The following HOMER2 variants were observed in gnomAD, a reference collection of about 807,000 sequenced individuals.
HOMER2 encodes the protein homer scaffold protein 2, also known as homer protein homolog 2.
HOMER2 carries 27 observed loss-of-function variants against 47.0 expected under a neutral mutation model. The observed-to-expected ratio is 0.57, with a 90% CI of 0.42 to 0.79. The LOEUF (loss-of-function observed/expected upper bound fraction) is 0.79, where lower values mean the gene tolerates loss of function less well. HOMER2 is among the 30% of genes least tolerant of loss of function. The pLI is 0.00. For missense variants in HOMER2, 443 were observed against 435.0 expected, an observed-to-expected ratio of 1.02 and a Z score of -0.16; for synonymous variants, 161 against 163.8, an observed-to-expected ratio of 0.98 and a Z score of 0.13.
At chr15:82,898,511 C>A (rs1389153571) in intron 1 of HOMER2, 1 of 152,204 alleles carries the variant, frequency 6.6e-6, no homozygotes, top group Non-Finnish European at 1.5e-5. Context: ...GATGGCAGAA[C>A]GCTTCTTTAG....
intron 1 of HOMER2, among the ~76,000 whole-genome samples, chr15:82,901,444 T>C (rs1261005393): frequency 6.6e-6 from 1 of 151,994 alleles, no homozygotes; most frequent in Non-Finnish European, 1.5e-5. Context: ...AGCAATGCCA[T>C]CCTATGTTCA....
chr15:82,976,957 T>C (rs2030228371), intron 1 of HOMER2, among the ~76,000 whole-genome samples: 1 of 152,102 alleles, frequency 6.6e-6, no homozygotes, highest in African/African-American at 2.4e-5. Context: ...ATTACAGGCG[T>C]GAGCTACCGT....
chr15:82,860,955 A>AGGAGAGAGAGAGAGAGAGAGAGAGAGAG (rs1555420258), intron 4 of HOMER2, among the ~76,000 whole-genome samples: 1 of 71,136 alleles, frequency 1.4e-5, no homozygotes, highest in African/African-American at 6.2e-5. Context: ...AAGATAGAAG[A>AGGAGAGAGAGAGAGAGAGAGAGAGAGAG]TGAGAGAGAG....
rs375887599 is a variant in HOMER2, at chr15:82,854,819, C to A, written c.495-19G>T. 3.1e-6 allele frequency: 5 copies of A among 1,599,792 alleles called. No homozygotes were observed. The highest frequency in any genetic ancestry group is 1.3e-5 in the African/African-American group (1 of 74,828). ...GGCTGCGCTGCAGGACAGGGACGGGCGGTGACGACGGGGTGGGTGCTGTCC... is the reference window on the plus strand; with the variant it reads ...GGCTGCGCTGCAGGACAGGGACGGGAGGTGACGACGGGGTGGGTGCTGTCC... On this transcript the variant is annotated intron_variant, in intron 5 of 8. Transcript: ENST00000450735.
Position 82,852,191 on chromosome 15 carries a change from A to G in HOMER2, c.713T>C (p.Leu238Pro), listed in dbSNP as rs1291428391. Residue 238 changes from leucine to proline, a missense_variant, in exon 7 of 9, where the codon CTG becomes CCG. Transcript: ENST00000450735. ...INREKEKNTQLKRRIEELEAE... is the reference protein window; with the variant it reads ...INREKEKNTQPKRRIEELEAE... ...CTCCAGCTCCTCGATCCTCCTCTTC[A>G]GCTGCGTGTTCTTCTCCTTCTCTCT... The G allele has an allele frequency of 5.0e-6, 8 of 1,613,830 alleles. No homozygotes were observed. The Admixed American group carries it at 1.3e-4, about 27-fold the overall frequency.
chr15:82,951,917 C>G (rs1210338616), intron 1 of HOMER2: 2 of 335,744 alleles, frequency 6.0e-6, no homozygotes, highest in Non-Finnish European at 8.5e-6. Context: ...GCTTAAATTA[C>G]TTTATATACT....
upstream of HOMER2, chr15:82,985,992 A>T: frequency 1.2e-6 from 1 of 838,174 alleles, no homozygotes; most frequent in Non-Finnish European, 1.4e-6. Context: ...AGCTTAATAG[A>T]CGGCGACGTT....
rs544822186 is a variant in HOMER2 at position 82,972,183 on chromosome 15, C to A, written n.83-12875G>T. ...TTAGCCCAAAAAGATCCTTAATGCTCATTTGTAGTCAATCCCTATCCTACC... is the reference window on the plus strand; with the variant it reads ...TTAGCCCAAAAAGATCCTTAATGCTAATTTGTAGTCAATCCCTATCCTACC... On this transcript the variant is annotated intron_variant and non_coding_transcript_variant, in intron 1 of 1. Transcript: ENST00000500334. Among the ~76,000 whole-genome samples the A allele has an allele frequency of 2.0e-5, 3 of 152,276 alleles. No homozygotes were observed. In the South Asian group the frequency reaches 6.2e-4, roughly 32 times the overall value.
At chr15:82,954,078 A>AAAAAT (rs1555432145), upstream of HOMER2, among the ~76,000 whole-genome samples, 2 of 152,048 alleles carry the variant, frequency 1.3e-5, no homozygotes, top group African/African-American at 4.8e-5. Context: ...CTGTCTCAAA[A>AAAAAT]AAATAAATAA....
At chr15:82,949,825 C>T (rs938005750) in intron 1 of HOMER2, among the ~76,000 whole-genome samples, 3 of 152,178 alleles carry the variant, frequency 2.0e-5, no homozygotes, top group African/African-American at 7.2e-5. Flanking sequence ...TTTCAAGTGT[C>T]CAATAACCAC....
intron 3 of HOMER2, among the ~76,000 whole-genome samples, chr15:82,870,482 G>A (rs544185225): frequency 1.6e-3 from 238 of 152,220 alleles, no homozygotes; most frequent in Non-Finnish European, 2.3e-3. Flanking sequence ...AGAAACAAAT[G>A]AAATCCATGC....
intron 1 of HOMER2, among the ~76,000 whole-genome samples, chr15:82,937,004 C>G (rs1179852918): frequency 1.3e-5 from 2 of 152,158 alleles, no homozygotes; most frequent in African/African-American, 2.4e-5. Context: ...AGGGTACACA[C>G]AAGACTATTA....
At chr15:82,986,000 G>T, upstream of HOMER2, 1 of 919,570 alleles carries the variant, frequency 1.1e-6, no homozygotes, top group Non-Finnish European at 1.3e-6. Flanking sequence ...AGACGGCGAC[G>T]TTTTCGACTG....
intron 1 of HOMER2, among the ~76,000 whole-genome samples, chr15:82,905,865 TA>T (rs1381584387): frequency 1.3e-5 from 2 of 152,052 alleles, no homozygotes; most frequent in Non-Finnish European, 2.9e-5. Context: ...TGAATCTACA[TA>T]AAAAAAGAGC....
chr15:82,871,132 T>C (rs1489213214), intron 3 of HOMER2, among the ~76,000 whole-genome samples: 1 of 152,226 alleles, frequency 6.6e-6, no homozygotes, highest in Non-Finnish European at 1.5e-5. Flanking sequence ...CCCAGTTTAC[T>C]TCTGAGAAAA....
At chr15:82,904,433 C>T (rs1258452650) in intron 1 of HOMER2, among the ~76,000 whole-genome samples, 1 of 152,202 alleles carries the variant, frequency 6.6e-6, no homozygotes, top group Non-Finnish European at 1.5e-5. Flanking sequence ...TTCAGTTTTA[C>T]TTCCAGGAGT....
At chr15:82,836,282 T>C (rs2051125591), downstream of HOMER2, among the ~76,000 whole-genome samples, 1 of 152,178 alleles carries the variant, frequency 6.6e-6, no homozygotes, top group South Asian at 2.1e-4. Flanking sequence ...GCTTCAGAGC[T>C]CTCCAGTCGG....
intron 1 of HOMER2, among the ~76,000 whole-genome samples, chr15:82,979,041 G>C (rs1191103397): frequency 6.6e-6 from 1 of 152,110 alleles, no homozygotes; most frequent in Non-Finnish European, 1.5e-5. Flanking sequence ...TTTTATAAGG[G>C]GCTTCCCCCT....
intron 3 of HOMER2, 91 bp downstream of exon 3, chr15:82,875,182 G>T: frequency 6.9e-7 from 1 of 1,450,192 alleles, no homozygotes. Flanking sequence ...AAGGAATCCT[G>T]CTCACCAAGG....
Sources: gnomAD v4.1 joint callset for allele counts (sites outside exome capture counted in the v4.1 genomes callset) on GRCh38, gnomAD v4.1.1 for gene constraint, MANE v1.5 for transcripts, NCBI Gene and HGNC (gene_info 2026-07-23, HGNC 2026-07-21) for gene names.